The following SPINT1 variants were observed in gnomAD, a reference collection of about 807,000 sequenced individuals.
SPINT1 encodes kunitz-type protease inhibitor 1.
SPINT1 carries 38 observed loss-of-function variants against 53.7 expected under a neutral mutation model. That is an observed-to-expected ratio of 0.71 (90% CI 0.55 to 0.93). The LOEUF is 0.93. Ranked by LOEUF, SPINT1 falls within the 40% of genes least tolerant of loss-of-function variation. The pLI is 0.00. For missense variants in SPINT1, 645 were observed against 692.9 expected, an observed-to-expected ratio of 0.93 and a Z score of 0.78; for synonymous variants, 283 against 280.6, an observed-to-expected ratio of 1.01 and a Z score of -0.08.
intron 2 of SPINT1, among the ~76,000 whole-genome samples, chr15:40,849,254 A>C (rs1891388211): frequency 1.3e-5 from 2 of 151,480 alleles, no homozygotes; most frequent in South Asian, 4.2e-4. Flanking sequence ...TCAGGAAAAA[A>C]AAAAAAGAGA....
intron 2 of SPINT1, among the ~76,000 whole-genome samples, chr15:40,851,631 C>G (rs1479823230): frequency 6.6e-6 from 1 of 152,202 alleles, no homozygotes; most frequent in Non-Finnish European, 1.5e-5. Context: ...TGCTTCATGT[C>G]GTGGGGTCTT....
chr15:40,846,214 T>C (rs1339162959), intron 2 of SPINT1, among the ~76,000 whole-genome samples: 2 of 152,170 alleles, frequency 1.3e-5, no homozygotes, highest in Non-Finnish European at 1.5e-5. Context: ...GCTCCTCCTC[T>C]TTCTTCCCCG....
chr15:40,857,248 T>A lies in SPINT1; in HGVS notation c.*273T>A. Reference sequence around the variant, plus strand: ...AGTTTGGAGGAAGTTGGAGTTTTGTTTCCTCTGTTCAAAGCTGCCTGTCCC... The same window carrying A: ...AGTTTGGAGGAAGTTGGAGTTTTGTATCCTCTGTTCAAAGCTGCCTGTCCC... On this transcript the variant is annotated 3_prime_UTR_variant, in exon 11 of 11. Transcript: ENST00000562057. 1 of 514,524 alleles carries A rather than the reference T, an allele frequency of 1.9e-6. No homozygotes were observed. Among genetic ancestry groups the A allele is most frequent in the Non-Finnish European group, 3.5e-6 (1 of 288,440 alleles). The allele number at this position is 514,524 out of a possible 1,614,324, so 31.9% of individuals were successfully genotyped here.
At chr15:40,848,802 C>A (rs2142006026) in intron 2 of SPINT1, among the ~76,000 whole-genome samples, 1 of 152,272 alleles carries the variant, frequency 6.6e-6, no homozygotes, top group East Asian at 1.9e-4. Context: ...CAAATACTGT[C>A]TCTTGATATT....
At chr15:40,852,727 GGGTGTGGTAATT>G (rs1891497170) in intron 2 of SPINT1, among the ~76,000 whole-genome samples, 1 of 151,928 alleles carries the variant, frequency 6.6e-6, no homozygotes, top group African/African-American at 2.4e-5. Context: ...TTTTACAGCT[GGGTGTGGTAATT>G]GTACCTTTAG....
rs1236666429 is a variant in SPINT1, at chr15:40,844,387, C to T, written c.-65-103C>T. On this transcript the variant is annotated intron_variant, in intron 1 of 10. Coordinates refer to ENST00000562057, the MANE Select transcript of SPINT1 (RefSeq NM_003710.4). This position sits in a 1 kb window ranked among gnomAD's most constrained non-coding sequence, Gnocchi z 5.8. ...CGCCCTCTTCGATCCTGGGGTGCTC[C>T]GGTCCCTCCTCCCCGCCACTTCCTC... is the stretch of plus-strand genomic sequence containing the variant. 1.3e-6 allele frequency: 1 copy of T among 764,868 alleles called. No individual in the cohort carries two copies. Among genetic ancestry groups the T allele is most frequent in the Non-Finnish European group, 2.2e-6 (1 of 446,544 alleles). 47.4% of individuals were successfully genotyped at this position (764,868 alleles called of 1,614,324 possible).
Position 40,854,457 on chromosome 15 carries a change from G to C in SPINT1, c.1001G>C (p.Ser334Thr), listed in dbSNP as rs138578385. The C allele has an allele frequency of 9.3e-6, 15 of 1,613,334 alleles. No individual in the cohort carries two copies. The Admixed American group carries it at 2.5e-4, about 27-fold the overall frequency. Residue 334 changes from serine (S) to threonine (T), a missense_variant, in exon 7 of 11, where the codon AGT (serine) becomes ACT (threonine). Coordinates refer to ENST00000562057, the MANE Select transcript of SPINT1 (RefSeq NM_003710.4). The stretch of plus-strand genomic sequence containing the variant: ...TGCAGCAATGGCTGCTGCATCGACA[G>C]TTTCCTGGAGTGTGACGACACCCCC... ...FRCSNGCCID[S>T]FLECDDTPNC...
chr15:40,850,552 C>G (rs974094088), intron 2 of SPINT1, among the ~76,000 whole-genome samples: 1 of 152,172 alleles, frequency 6.6e-6, no homozygotes, highest in African/African-American at 2.4e-5. Flanking sequence ...GTTCGGGTGG[C>G]CTGCCTTCTC....
At chr15:40,850,920 T>C (rs1455660701) in intron 2 of SPINT1, among the ~76,000 whole-genome samples, 1 of 152,182 alleles carries the variant, frequency 6.6e-6, no homozygotes, top group Admixed American at 6.5e-5. Context: ...GTCATGTATC[T>C]AGGAGGTCAA....
chr15:40,856,748 A>T (rs770768040), intron 10 of SPINT1, 22 bp from the exon 11 acceptor site: 12 of 1,613,450 alleles, frequency 7.4e-6, no homozygotes, highest in Non-Finnish European at 2.5e-6. Flanking sequence ...GGAGCCCCTT[A>T]TTCTACCCCT....
At chr15:40,856,251 G>A (rs1337291237) in intron 9 of SPINT1, 25 bp from the exon 10 acceptor site, 1 of 1,613,998 alleles carries the variant, frequency 6.2e-7, no homozygotes, top group Non-Finnish European at 8.5e-7. Flanking sequence ...AGTACTGACT[G>A]GTCTTTCCCC....
rs1311527184 is a variant in SPINT1, at chr15:40,854,457, GT to G, written c.1004del (p.Phe335SerfsTer102). 1 of 1,613,334 alleles carries G rather than the reference GT, an allele frequency of 6.2e-7. No homozygotes were observed. The highest frequency in any genetic ancestry group is 8.5e-7 in the Non-Finnish European group (1 of 1,179,868). On this transcript the variant is annotated frameshift_variant, in exon 7 of 11. Coordinates refer to ENST00000562057, the MANE Select transcript of SPINT1 (RefSeq NM_003710.4). LOFTEE classifies it high-confidence loss of function. ...FRCSNGCCID[S>X]FLECDDTPNC... is the part of the protein sequence containing the mutation. ...TGCAGCAATGGCTGCTGCATCGACA[GT>G]TTCCTGGAGTGTGACGACACCCCCA...
chr15:40,846,210 C>T (rs554663536), intron 2 of SPINT1, among the ~76,000 whole-genome samples: 1 of 152,292 alleles, frequency 6.6e-6, no homozygotes, highest in East Asian at 1.9e-4. Context: ...CAGGGCTCCT[C>T]CTCTTTCTTC....
Position 40,844,446 on chromosome 15 carries a change from C to G in SPINT1, c.-65-44C>G. 1 of 1,147,072 alleles carries G rather than the reference C, an allele frequency of 8.7e-7. No individual in the cohort carries two copies. Among genetic ancestry groups the G allele is most frequent in the Non-Finnish European group, 1.3e-6 (1 of 770,246 alleles). The allele number at this position is 1,147,072 out of a possible 1,614,324, so 71.1% of individuals were successfully genotyped here. A position where few individuals can be genotyped will look rare whatever the true frequency, so the allele number is the denominator to read the frequency against. On this transcript the variant is annotated intron_variant, in intron 1 of 10. Transcript: ENST00000562057. This position sits in a 1 kb window ranked among gnomAD's most constrained non-coding sequence, Gnocchi z 5.8. ...CCCGCCTCCTCCAAAGTCTCCCGGGCTGATCAGGTGTGTCTCCTCCTCTGT... is the reference window on the plus strand; with the variant it reads ...CCCGCCTCCTCCAAAGTCTCCCGGGGTGATCAGGTGTGTCTCCTCCTCTGT...
chr15:40,847,626 C>G (rs1411177919), intron 2 of SPINT1, among the ~76,000 whole-genome samples: 2 of 152,162 alleles, frequency 1.3e-5, no homozygotes, highest in Admixed American at 1.3e-4. Flanking sequence ...GACCTGGTAA[C>G]TAACTGGGGG....
At position 40,856,001 on chromosome 15, in the gene SPINT1, C is replaced by G; in HGVS notation, c.1227C>G (p.Tyr409Ter). ...CCCGCTTTACCTATGGTGGTTGTTACGGCAACAAGAACAACTTTGAGGAAG... is the reference window on the plus strand; with the variant it reads ...CCCGCTTTACCTATGGTGGTTGTTAGGGCAACAAGAACAACTTTGAGGAAG... ...HCARFTYGGC[Y>*]GNKNNFEEEQ... The change falls in exon 9 of 11, where the codon TAC (tyrosine) becomes TAG (stop). Residue 409 changes from tyrosine to a stop codon, truncating the protein, a stop_gained. Transcript: ENST00000562057. LOFTEE classifies it high-confidence loss of function. 1 of 1,614,126 alleles carries G rather than the reference C, an allele frequency of 6.2e-7. No individual in the cohort carries two copies. Among genetic ancestry groups the G allele is most frequent in the East Asian group, 2.2e-5 (1 of 44,882 alleles).
At position 40,854,272 on chromosome 15, in the gene SPINT1, G is replaced by T; in HGVS notation, c.941-125G>T. ...TGAGGATCTGCCCAGTTTGCGTGGG[G>T]CAGGAGTGGGGTTGGTGGAAAGGGA... is the stretch of plus-strand genomic sequence containing the variant. On this transcript the variant is annotated intron_variant, in intron 6 of 10. Coordinates refer to ENST00000562057, the MANE Select transcript of SPINT1 (RefSeq NM_003710.4). 8.3e-6 allele frequency: 12 copies of T among 1,446,332 alleles called. No homozygotes were observed. In the South Asian group the frequency reaches 1.6e-4, roughly 20 times the overall value. The allele number at this position is 1,446,332 out of a possible 1,614,324, so 89.6% of individuals were successfully genotyped here. A position where few individuals can be genotyped will look rare whatever the true frequency, so the allele number is the denominator to read the frequency against.
rs1891521693 is a variant in SPINT1, at chr15:40,853,391, C to T, written c.604-98C>T. On this transcript the variant is annotated intron_variant, in intron 3 of 10. Coordinates refer to ENST00000562057, the MANE Select transcript of SPINT1 (RefSeq NM_003710.4). Reference sequence around the variant, plus strand: ...GAAGATGCATTTAATCCAACTCCCCCTGGCCTCCCCAGGGGTGTGGGTGTG... The same window carrying T: ...GAAGATGCATTTAATCCAACTCCCCTTGGCCTCCCCAGGGGTGTGGGTGTG... The T allele has an allele frequency of 2.6e-5, 42 of 1,604,992 alleles. No homozygotes were observed. The South Asian group carries it at 4.3e-4, about 16-fold the overall frequency.
Position 40,854,694 on chromosome 15 carries a change from G to C in SPINT1, c.1117+5G>C, listed in dbSNP as rs1325497616. ...TCCATTTCCCCAGTGACAAAGGTGAGATCCTCCCCAGGTGCCCTGGATCAG... is the reference window on the plus strand; with the variant it reads ...TCCATTTCCCCAGTGACAAAGGTGACATCCTCCCCAGGTGCCCTGGATCAG... On this transcript the variant is annotated splice_donor_5th_base_variant and intron_variant, in intron 8 of 10. Coordinates refer to ENST00000562057, the MANE Select transcript of SPINT1 (RefSeq NM_003710.4). The C allele has an allele frequency of 6.2e-7, 1 of 1,614,056 alleles. No individual in the cohort carries two copies. The highest frequency in any genetic ancestry group is 8.5e-7 in the Non-Finnish European group (1 of 1,180,028).
Sources: gnomAD v4.1 joint callset for allele counts (sites outside exome capture counted in the v4.1 genomes callset) on GRCh38, gnomAD v4.1.1 for gene constraint, Gnocchi (gnomAD v3.1) non-coding constraint, MANE v1.5 for transcripts, NCBI Gene and HGNC (gene_info 2026-07-23, HGNC 2026-07-21) for gene names.